Variants in VWDE observed in about 807,000 individuals in gnomAD.
VWDE encodes the protein von Willebrand factor D and EGF domains.
A neutral mutation model predicts 178.4 loss-of-function variants in VWDE; 207 were observed. The ratio of observed to expected loss-of-function variants is 1.16; its 90% CI spans 1.04 to 1.30. The LOEUF (loss-of-function observed/expected upper bound fraction) is 1.30, where lower values mean the gene tolerates loss of function less well. Ranked by LOEUF, VWDE falls within the 50% of genes most tolerant of loss-of-function variation. The pLI is 0.00. For synonymous variants in VWDE, 738 were observed against 651.4 expected (o/e 1.13, Z -2.02); for missense variants, 2,287 against 1,901.3 (o/e 1.20, Z -3.77).
intron 3 of VWDE, among the ~76,000 whole-genome samples, chr7:12,384,807 T>C (rs1269137303): frequency 6.6e-6 from 1 of 152,106 alleles, no homozygotes; most frequent in East Asian, 1.9e-4. Context: ...CAAGAGCAAC[T>C]ATCTAAACAA....
chr7:12,369,774 T>C lies in VWDE; in HGVS notation c.2532A>G (p.Leu844=). ...VIEMCVKDVL[L]KDDLSWAEAG... ...CTTCTGCCCAACTAAGATCATCTTT[T>C]AACAGAACATCCTTCACACACATCT... The change falls in exon 12 of 29, where the codon TTA becomes TTG. Residue 844 remains leucine, a synonymous_variant. Coordinates refer to ENST00000275358, the MANE Select transcript of VWDE (RefSeq NM_001135924.3). 1 of 1,551,614 alleles carries C rather than the reference T, an allele frequency of 6.4e-7. No homozygotes were observed. The highest frequency in any genetic ancestry group is 8.7e-7 in the Non-Finnish European group (1 of 1,146,920).
In VWDE at chr7:12,375,124, G is replaced by A. The variant is rs1405437373; in HGVS notation, c.1128C>T (p.Tyr376=). Residue 376 remains tyrosine, a synonymous_variant, in exon 8 of 29, where the codon TAC becomes TAT. Coordinates refer to ENST00000275358, the MANE Select transcript of VWDE (RefSeq NM_001135924.3). The part of the protein sequence containing the change: ...ANGTCSHTFV[Y]YTAVTDFSRD... ...GAGAAAAATCTGTGACAGCAGTGTAGTACACAAAAGTGTGGCTACAGGTTC... is the reference window on the plus strand; with the variant it reads ...GAGAAAAATCTGTGACAGCAGTGTAATACACAAAAGTGTGGCTACAGGTTC... 6.4e-7 allele frequency: 1 copy of A among 1,551,250 alleles called. No homozygotes were observed. Among genetic ancestry groups the A allele is most frequent in the South Asian group, 1.2e-5 (1 of 84,054 alleles).
chr7:12,373,006 T>C lies in VWDE; in HGVS notation c.1558A>G (p.Ser520Gly). The change falls in exon 10 of 29, where the codon AGT becomes GGT. Residue 520 changes from serine to glycine, a missense_variant. Ser to Gly is a moderately conservative substitution (Grantham distance 56). Transcript: ENST00000275358. ...SQDVTRNIKISESYLGRKVTI... is the reference protein window; with the variant it reads ...SQDVTRNIKIGESYLGRKVTI... ...ACTTTTCTTCCTAAGTAAGATTCACTTATCTTGATATTCCTGGTTACATCT... is the reference window on the plus strand; with the variant it reads ...ACTTTTCTTCCTAAGTAAGATTCACCTATCTTGATATTCCTGGTTACATCT... 1 of 1,551,216 alleles carries C rather than the reference T, an allele frequency of 6.4e-7. No individual in the cohort carries two copies. Among genetic ancestry groups the C allele is most frequent in the East Asian group, 2.4e-5 (1 of 40,898 alleles).
At chr7:12,394,286 G>C (rs1784527560) in intron 1 of VWDE, among the ~76,000 whole-genome samples, 1 of 151,784 alleles carries the variant, frequency 6.6e-6, no homozygotes, top group African/African-American at 2.4e-5. Context: ...TCAAACTAAA[G>C]TTTACTGCAT....
In VWDE at chr7:12,367,438, T is replaced by G; in HGVS notation, c.2817A>C (p.Lys939Asn). ...AAACTCTCACCATCATACAATTATA[T>G]TTTTGAACATCACAGAATCCAGCAT... ...LGNAGFCDVQ[K>N]YNCMMVRVFG... The change falls in exon 13 of 29, where the codon AAA becomes AAC. Residue 939 changes from lysine to asparagine, a missense_variant. Transcript: ENST00000275358. 6.5e-7 allele frequency: 1 copy of G among 1,546,566 alleles called. No individual in the cohort carries two copies. Among genetic ancestry groups the G allele is most frequent in the Non-Finnish European group, 8.7e-7 (1 of 1,144,410 alleles).
intron 12 of VWDE, among the ~76,000 whole-genome samples, chr7:12,369,104 A>G (rs138930819): frequency 7.6e-4 from 115 of 152,296 alleles, no homozygotes; most frequent in African/African-American, 2.7e-3. Flanking sequence ...TAAGCAAATC[A>G]GTATAATTAG....
intron 1 of VWDE, among the ~76,000 whole-genome samples, chr7:12,401,289 G>C (rs1562527167): frequency 6.6e-6 from 1 of 152,028 alleles, no homozygotes; most frequent in Non-Finnish European, 1.5e-5. Context: ...TCTCCATATA[G>C]AAAATTCTAA....
At chr7:12,354,042 A>G (rs573485183) in intron 18 of VWDE, 3 of 158,228 alleles carry the variant, frequency 1.9e-5, no homozygotes, top group Non-Finnish European at 4.1e-5. Flanking sequence ...AAACTTTTTC[A>G]TTATTTCTCC....
chr7:12,379,630 C>G, intron 5 of VWDE, 64 bp from the exon 6 acceptor site: 1 of 1,210,900 alleles, frequency 8.3e-7, no homozygotes, highest in South Asian at 1.5e-5. Context: ...TGTAAATTAT[C>G]ACTTTTAAAA....
intron 4 of VWDE, 108 bp downstream of exon 4, chr7:12,383,428 A>G (rs1783950690): frequency 3.4e-6 from 3 of 887,076 alleles, no homozygotes; most frequent in African/African-American, 1.7e-5. Flanking sequence ...GACTTTGGTT[A>G]TATCAAATAT....
At chr7:12,348,884 T>C (rs1227843362) in intron 19 of VWDE, among the ~76,000 whole-genome samples, 5 of 151,712 alleles carry the variant, frequency 3.3e-5, no homozygotes, top group Non-Finnish European at 7.4e-5. Flanking sequence ...CACCATGGAA[T>C]ACTATGCAGC....
At chr7:12,353,486 A>T (rs1782058080) in intron 18 of VWDE, among the ~76,000 whole-genome samples, 1 of 152,166 alleles carries the variant, frequency 6.6e-6, no homozygotes, top group South Asian at 2.1e-4. Flanking sequence ...ACTAAAATCA[A>T]ACACTTAAAA....
rs1477270346 is a variant in VWDE, at chr7:12,369,750, T to C, written c.2556A>G (p.Glu852=). The change falls in exon 12 of 29, where the codon GAA becomes GAG. Residue 852 remains glutamate, a synonymous_variant. Transcript: ENST00000275358. ...VLLKDDLSWA[E]AGVALLENEC... is the part of the protein sequence containing the mutation. Reference sequence around the variant, plus strand: ...CATTTTCTAAAAGGGCCACACCTGCTTCTGCCCAACTAAGATCATCTTTTA... The same window carrying C: ...CATTTTCTAAAAGGGCCACACCTGCCTCTGCCCAACTAAGATCATCTTTTA... 2 of 1,551,622 alleles carry C rather than the reference T, an allele frequency of 1.3e-6. No individual in the cohort carries two copies. Among genetic ancestry groups the C allele is most frequent in the Non-Finnish European group, 1.7e-6 (2 of 1,146,920 alleles).
At chr7:12,359,543 A>C (rs966878613) in intron 16 of VWDE, 35 bp downstream of exon 16, 2 of 1,381,298 alleles carry the variant, frequency 1.4e-6, no homozygotes, top group Non-Finnish European at 2.0e-6. Context: ...AATGTCTTGT[A>C]TAGGAAATAT....
Position 12,331,259 on chromosome 7 carries a change from C to T in VWDE, c.4759-62G>A, listed in dbSNP as rs368360994. 1.4e-5 allele frequency: 20 copies of T among 1,431,588 alleles called. No individual in the cohort carries two copies. The African/African-American group carries it at 1.4e-4, about 10-fold the overall frequency. The allele number at this position is 1,431,588 out of a possible 1,614,324, so 88.7% of individuals were successfully genotyped here. ...AGTATAAAATCATTTAACCCTTACTCATTATTTGTTGCCTCCTTCCCTCTG... is the reference window on the plus strand; with the variant it reads ...AGTATAAAATCATTTAACCCTTACTTATTATTTGTTGCCTCCTTCCCTCTG... On this transcript the variant is annotated intron_variant, in intron 28 of 28. Coordinates refer to ENST00000275358, the MANE Select transcript of VWDE (RefSeq NM_001135924.3).
chr7:12,334,750 C>T (rs1182223196), intron 27 of VWDE, among the ~76,000 whole-genome samples: 1 of 152,208 alleles, frequency 6.6e-6, no homozygotes, highest in East Asian at 1.9e-4. Context: ...CAACCTCAAT[C>T]TGCAACCACT....
chr7:12,350,908 C>T (rs1020213694), intron 19 of VWDE, among the ~76,000 whole-genome samples: 1 of 151,902 alleles, frequency 6.6e-6, no homozygotes, highest in South Asian at 2.1e-4. Context: ...AGACAAAACC[C>T]CCTATTTGCA....
chr7:12,339,684 C>G (rs1376364461), intron 24 of VWDE, among the ~76,000 whole-genome samples: 4 of 152,062 alleles, frequency 2.6e-5, no homozygotes, highest in African/African-American at 9.7e-5. Context: ...TAAAAATCTA[C>G]TCTACATTTT....
At chr7:12,378,300 T>C (rs182949318) in intron 6 of VWDE, among the ~76,000 whole-genome samples, 1 of 152,352 alleles carries the variant, frequency 6.6e-6, no homozygotes, top group East Asian at 1.9e-4. Flanking sequence ...CTCTGGTTTT[T>C]CTTAGGGATT....
Sources: gnomAD v4.1 joint callset for allele counts (sites outside exome capture counted in the v4.1 genomes callset) on GRCh38, gnomAD v4.1.1 for gene constraint, MANE v1.5 for transcripts, NCBI Gene and HGNC (gene_info 2026-07-23, HGNC 2026-07-21) for gene names.